AGO2: variants seen among roughly 807,000 people sequenced by gnomAD.
AGO2 encodes protein argonaute-2.
A neutral mutation model predicts 102.3 loss-of-function variants in AGO2; 5 were observed. The observed-to-expected ratio is 0.05, with a 90% CI of 0.03 to 0.10. The LOEUF is 0.10. Among genes scored for constraint, AGO2 ranks in the 10% least tolerant of loss-of-function variants. AGO2 has a pLI of 1.00. For synonymous variants in AGO2, 449 were observed against 473.1 expected (o/e 0.95, Z 0.66); for missense variants, 541 against 1,183.7 (o/e 0.46, Z 7.97).
intron 1 of AGO2, among the ~76,000 whole-genome samples, chr8:140,599,089 T>C (rs192972924): frequency 6.6e-6 from 1 of 152,310 alleles, no homozygotes; most frequent in East Asian, 1.9e-4. Context: ...GGCCTCCTCA[T>C]CTTGCCACCA....
At position 140,571,983 on chromosome 8, in the gene AGO2, C is replaced by T. The variant is rs941323302; in HGVS notation, c.336+829G>A. Among the ~76,000 whole-genome samples the T allele has an allele frequency of 6.6e-5, 10 of 152,256 alleles. No individual in the cohort carries two copies. In the South Asian group the frequency reaches 1.0e-3, roughly 16 times the overall value. On this transcript the variant is annotated intron_variant, in intron 3 of 18. Coordinates refer to ENST00000220592, the MANE Select transcript of AGO2 (RefSeq NM_012154.5). ...TCCTGATCTTGTGATCCGCCCACCT[C>T]GGCCTCCCAAAGTGCTGGGGTTACA...
At chr8:140,542,409 G>A (rs1222404496) in intron 14 of AGO2, among the ~76,000 whole-genome samples, 12 of 152,102 alleles carry the variant, frequency 7.9e-5, no homozygotes, top group Non-Finnish European at 1.5e-5. Flanking sequence ...TCCTGCCTTG[G>A]GCTATAATTT....
rs775781068 is a variant in AGO2, at chr8:140,556,151, C to T, written c.1146+16G>A. The T allele has an allele frequency of 2.2e-5, 35 of 1,613,904 alleles. No homozygotes were observed. The highest frequency in any genetic ancestry group is 1.8e-4 in the East Asian group (8 of 44,902). ...CTGGATTCCACAGGGCAGCCCTGCCCGGGACTGACACTCACCAATTTGCTA... is the reference window on the plus strand; with the variant it reads ...CTGGATTCCACAGGGCAGCCCTGCCTGGGACTGACACTCACCAATTTGCTA... On this transcript the variant is annotated intron_variant, in intron 9 of 18. Coordinates refer to ENST00000220592, the MANE Select transcript of AGO2 (RefSeq NM_012154.5).
At chr8:140,559,827 G>A (rs555233749) in intron 5 of AGO2, among the ~76,000 whole-genome samples, 3 of 152,272 alleles carry the variant, frequency 2.0e-5, no homozygotes, top group Admixed American at 2.0e-4. Flanking sequence ...TCTGGTTACC[G>A]TCTGGTGTAG....
At chr8:140,635,263 G>C (rs1197799309) in intron 1 of AGO2, among the ~76,000 whole-genome samples, 1 of 146,186 alleles carries the variant, frequency 6.8e-6, no homozygotes, top group African/African-American at 2.5e-5. Context: ...CGAGGAGGCC[G>C]GGGCTGCGCG....
At chr8:140,574,776 C>A (rs189054971) in intron 2 of AGO2, among the ~76,000 whole-genome samples, 79 of 152,140 alleles carry the variant, frequency 5.2e-4, no homozygotes, top group Admixed American at 2.0e-3. Context: ...GAGAGGAGTC[C>A]ACCAGCAGGG....
At chr8:140,619,481 G>A (rs2074186315) in intron 1 of AGO2, among the ~76,000 whole-genome samples, 2 of 152,228 alleles carry the variant, frequency 1.3e-5, no homozygotes, top group African/African-American at 4.8e-5. Flanking sequence ...AAGGGAGCAG[G>A]GAAAACAGAC....
intron 2 of AGO2, among the ~76,000 whole-genome samples, chr8:140,576,182 T>G (rs1397097198): frequency 6.6e-6 from 1 of 152,050 alleles, no homozygotes; most frequent in African/African-American, 2.4e-5. Flanking sequence ...GGTGTAGTGG[T>G]GGGTACCTGT....
chr8:140,540,562 G>A lies in AGO2; in HGVS notation c.2034+602C>T, dbSNP rs148889991. ...GGTCACCTTGATCTGGGGGTGCTGC[G>A]TGTGCTCTCAACCAAAGACAGCAAC... On this transcript the variant is annotated intron_variant, in intron 15 of 18. Transcript: ENST00000220592. This position sits in a 1 kb window ranked among gnomAD's most constrained non-coding sequence, Gnocchi z 5.0. Among the ~76,000 whole-genome samples the A allele has an allele frequency of 3.3e-5, 5 of 152,300 alleles. No individual in the cohort carries two copies. The highest frequency in any genetic ancestry group is 3.4e-3 in the Middle Eastern group (1 of 294).
At chr8:140,562,409 C>T (rs1310844981) in intron 4 of AGO2, 44 bp downstream of exon 4, 9 of 1,579,486 alleles carry the variant, frequency 5.7e-6, no homozygotes, top group Non-Finnish European at 7.8e-6. Flanking sequence ...GCCCTCGGAG[C>T]TGCAGGGGAG....
intron 1 of AGO2, among the ~76,000 whole-genome samples, chr8:140,606,663 G>A (rs1185386767): frequency 1.3e-5 from 2 of 152,172 alleles, no homozygotes; most frequent in Admixed American, 6.5e-5. Flanking sequence ...TTGGCTGGGC[G>A]CGGTGGCTCA....
intron 2 of AGO2, among the ~76,000 whole-genome samples, chr8:140,582,257 G>C (rs532053964): frequency 2.3e-4 from 35 of 152,086 alleles, no homozygotes; most frequent in Non-Finnish European, 4.3e-4. Flanking sequence ...AGACAACACA[G>C]AAGAGAATCC....
At position 140,549,135 on chromosome 8, in the gene AGO2, G is replaced by T; in HGVS notation, c.1567C>A (p.Pro523Thr). 1 of 1,610,578 alleles carries T rather than the reference G, an allele frequency of 6.2e-7. No individual in the cohort carries two copies. ...AGLQLVVVIL[P>T]GKTPVYAEVK... ...CTACCGTACACGGGCGTCTTGCCGG[G>T]CAGGATGACCACCACCAGCTGCAGG... The change falls in exon 12 of 19, where the codon CCC becomes ACC. Residue 523 changes from proline to threonine, a missense_variant. By Grantham distance (38) the Pro-to-Thr change is conservative (BLOSUM62 -1). Transcript: ENST00000220592.
chr8:140,640,004 A>AT (rs35545003), upstream of AGO2, among the ~76,000 whole-genome samples: 24,156 of 151,078 alleles, frequency 0.16, 2,414 homozygotes, highest in Admixed American at 0.31. Context: ...TCAAGTTGCC[A>AT]TTTTTTTTTA....
At chr8:140,562,192 C>T (rs542477235) in intron 4 of AGO2, among the ~76,000 whole-genome samples, 10 of 152,314 alleles carry the variant, frequency 6.6e-5, no homozygotes, top group East Asian at 3.9e-4. Flanking sequence ...GAGGGCTGCG[C>T]GGAACACGAA....
At chr8:140,541,876 TG>T (rs2072804777) in intron 14 of AGO2, among the ~76,000 whole-genome samples, 1 of 152,166 alleles carries the variant, frequency 6.6e-6, no homozygotes, top group Non-Finnish European at 1.5e-5. Flanking sequence ...CACTCCAGCC[TG>T]GGCAACAGAG....
chr8:140,602,659 T>C lies in AGO2; in HGVS notation c.23-17348A>G, dbSNP rs542049354. ...TTTAATTCCCCGCACTTGGAATGAA[T>C]ACAGCTCCCTGAGGGATACTTAAAA... On this transcript the variant is annotated intron_variant, in intron 1 of 18. Coordinates refer to ENST00000220592, the MANE Select transcript of AGO2 (RefSeq NM_012154.5). Among the ~76,000 whole-genome samples, 11 of 152,322 alleles carry C rather than the reference T, an allele frequency of 7.2e-5. No homozygotes were observed. The East Asian group carries it at 1.9e-3, about 27-fold the overall frequency.
At chr8:140,561,510 G>A (rs1213303936) in intron 4 of AGO2, among the ~76,000 whole-genome samples, 1 of 152,206 alleles carries the variant, frequency 6.6e-6, no homozygotes, top group East Asian at 1.9e-4. Flanking sequence ...CATCCTCCTA[G>A]AGTGTTTCTC....
At chr8:140,609,429 G>C (rs2074046981) in intron 1 of AGO2, among the ~76,000 whole-genome samples, 1 of 152,222 alleles carries the variant, frequency 6.6e-6, no homozygotes. Flanking sequence ...GCAACCTTGA[G>C]ACTCTGCAAG....
Sources: allele counts gnomAD v4.1 joint callset (sites outside exome capture counted in the v4.1 genomes callset), GRCh38; gene constraint gnomAD v4.1.1; non-coding constraint Gnocchi (gnomAD v3.1); transcripts MANE v1.5; gene names NCBI Gene and HGNC (gene_info 2026-07-23, HGNC 2026-07-21).